Variants in SEPSECS observed in about 807,000 individuals in gnomAD.
SEPSECS encodes Sep (O-phosphoserine) tRNA:Sec (selenocysteine) tRNA synthase, also known as O-phosphoseryl-tRNA(Sec) selenium transferase.
Under a neutral mutation model 52.1 loss-of-function variants are expected in SEPSECS, and 42 were observed. The ratio of observed to expected loss-of-function variants is 0.81; its 90% CI spans 0.63 to 1.04. The LOEUF is 1.04. SEPSECS is among the 50% of genes least tolerant of loss of function. The pLI, the probability that SEPSECS is intolerant of heterozygous loss-of-function variation, is 0.00. For synonymous variants in SEPSECS, 216 were observed against 211.4 expected, an observed-to-expected ratio of 1.02 and a Z score of -0.19; for missense variants, 590 against 610.6, an observed-to-expected ratio of 0.97 and a Z score of 0.36.
intron 6 of SEPSECS, among the ~76,000 whole-genome samples, chr4:25,150,366 G>A (rs996677190): frequency 2.0e-5 from 3 of 152,126 alleles, no homozygotes; most frequent in East Asian, 1.9e-4. Context: ...TGACTGTTCA[G>A]TAACCAGTTA....
rs10709028 is a variant in SEPSECS, at chr4:25,156,403, TA to T, written c.389-209del. On this transcript the variant is annotated intron_variant, in intron 3 of 10. Transcript: ENST00000382103. ...TATCTTATTCTAAAGACTTTTTATT[TA>T]AAAAAAAAAAGTCTTTTCGGCCGGG... Among the ~76,000 whole-genome samples the T allele has an allele frequency of 0.99, 149,110 of 150,270 alleles. 73,984 individuals are homozygous for T. The highest frequency in any genetic ancestry group is 1 in the East Asian group (5,123 of 5,126).
intron 8 of SEPSECS, among the ~76,000 whole-genome samples, chr4:25,136,230 AG>A (rs2109013135): frequency 6.6e-6 from 1 of 152,306 alleles, no homozygotes; most frequent in Admixed American, 6.5e-5. Flanking sequence ...AAAGAAATAA[AG>A]GGTATTCAAA....
At chr4:25,143,966 T>C (rs973974181) in intron 8 of SEPSECS, among the ~76,000 whole-genome samples, 2 of 152,142 alleles carry the variant, frequency 1.3e-5, no homozygotes. Context: ...GCTAGTTGTG[T>C]TGGAGATAAA....
At chr4:25,152,488 T>C (rs1167078759) in intron 5 of SEPSECS, among the ~76,000 whole-genome samples, 1 of 151,962 alleles carries the variant, frequency 6.6e-6, no homozygotes, top group Non-Finnish European at 1.5e-5. Flanking sequence ...TTAAGAAATC[T>C]CACATTAAAC....
At chr4:25,125,600 GAT>G in intron 10 of SEPSECS, 92 bp downstream of exon 10, 1 of 792,182 alleles carries the variant, frequency 1.3e-6, no homozygotes, top group South Asian at 1.4e-5. Flanking sequence ...TATAGTTCAG[GAT>G]ATACTTGGGG....
At chr4:25,131,696 A>G (rs542394630) in intron 8 of SEPSECS, among the ~76,000 whole-genome samples, 1 of 152,338 alleles carries the variant, frequency 6.6e-6, no homozygotes, top group South Asian at 2.1e-4. Flanking sequence ...CTATAAGGAC[A>G]CTGAAGTGTA....
intron 8 of SEPSECS, among the ~76,000 whole-genome samples, chr4:25,142,553 G>A (rs756273831): frequency 3.9e-5 from 6 of 152,154 alleles, no homozygotes; most frequent in Non-Finnish European, 7.3e-5. Context: ...ATGACATGTG[G>A]TCAATAAATA....
At chr4:25,127,990 G>A (rs1728451384) in intron 8 of SEPSECS, among the ~76,000 whole-genome samples, 1 of 152,048 alleles carries the variant, frequency 6.6e-6, no homozygotes, top group Non-Finnish European at 1.5e-5. Flanking sequence ...CATTCCCCAA[G>A]TGGTCCCTCT....
chr4:25,128,244 C>A (rs564114967), intron 8 of SEPSECS, among the ~76,000 whole-genome samples: 1 of 152,068 alleles, frequency 6.6e-6, no homozygotes, highest in African/African-American at 2.4e-5. Flanking sequence ...CACCGTTGCC[C>A]CAACACCAAG....
intron 8 of SEPSECS, among the ~76,000 whole-genome samples, chr4:25,139,924 T>C (rs1728992839): frequency 1.3e-5 from 2 of 152,236 alleles, no homozygotes; most frequent in Non-Finnish European, 1.5e-5. Flanking sequence ...TACTGCTTCA[T>C]CTCACAGCCC....
chr4:25,157,195 C>T (rs1404650526), intron 2 of SEPSECS, among the ~76,000 whole-genome samples: 1 of 152,184 alleles, frequency 6.6e-6, no homozygotes, highest in African/African-American at 2.4e-5. Flanking sequence ...CGGCCACCAT[C>T]AATTCTTTTT....
chr4:25,133,452 A>T (rs1338577930), intron 8 of SEPSECS, among the ~76,000 whole-genome samples: 2 of 152,236 alleles, frequency 1.3e-5, no homozygotes, highest in Non-Finnish European at 2.9e-5. Flanking sequence ...TAGCTGAGCT[A>T]CATATTCCTG....
In SEPSECS at chr4:25,128,000, T is replaced by C. The variant is rs1254998444; in HGVS notation, c.1027-643A>G. On this transcript the variant is annotated intron_variant, in intron 8 of 10. Coordinates refer to ENST00000382103, the MANE Select transcript of SEPSECS (RefSeq NM_016955.4). The stretch of plus-strand genomic sequence containing the variant: ...TAGATCATTCCCCAAGTGGTCCCTC[T>C]TGGCAAATGCTAAAGACACCTTCCT... 2.6e-5 allele frequency among the ~76,000 whole-genome samples: 4 copies of C among 152,224 alleles called. No individual in the cohort carries two copies. The East Asian group carries it at 7.7e-4, about 29-fold the overall frequency.
chr4:25,159,320 T>C (rs993121950), intron 1 of SEPSECS, among the ~76,000 whole-genome samples: 1 of 152,216 alleles, frequency 6.6e-6, no homozygotes. Flanking sequence ...GAAGTGATGA[T>C]AAATGCATAC....
chr4:25,152,590 A>AT (rs1224784157), intron 5 of SEPSECS, among the ~76,000 whole-genome samples: 2 of 151,988 alleles, frequency 1.3e-5, no homozygotes, highest in Non-Finnish European at 2.9e-5. Flanking sequence ...AATAACTAAC[A>AT]TTTTCCAACA....
At chr4:25,159,842 G>T in intron 1 of SEPSECS, 1 of 1,088,044 alleles carries the variant, frequency 9.2e-7, no homozygotes, top group Non-Finnish European at 1.1e-6. Flanking sequence ...GGAGACCTGT[G>T]AAGTTCCGCG....
intron 6 of SEPSECS, among the ~76,000 whole-genome samples, chr4:25,148,976 C>T (rs1712151682): frequency 6.6e-6 from 1 of 152,144 alleles, no homozygotes; most frequent in Non-Finnish European, 1.5e-5. Context: ...TTTAGTAAAA[C>T]CACCTCCCAA....
intron 6 of SEPSECS, among the ~76,000 whole-genome samples, chr4:25,148,379 C>T (rs1328677236): frequency 7.0e-6 from 1 of 142,776 alleles, no homozygotes; most frequent in Non-Finnish European, 1.5e-5. Context: ...AAAAAAAAGC[C>T]TAGTAGGATG....
intron 8 of SEPSECS, among the ~76,000 whole-genome samples, chr4:25,141,024 G>A (rs531532909): frequency 2.7e-4 from 41 of 151,950 alleles, no homozygotes; most frequent in Non-Finnish European, 4.7e-4. Flanking sequence ...CATTTATATT[G>A]TATTCAGTAT....
Sources: allele counts gnomAD v4.1 joint callset (sites outside exome capture counted in the v4.1 genomes callset), GRCh38; gene constraint gnomAD v4.1.1; transcripts MANE v1.5; gene names NCBI Gene and HGNC (gene_info 2026-07-23, HGNC 2026-07-21).